The following TCF4 variants were observed in gnomAD, a reference collection of about 807,000 sequenced individuals.
TCF4 encodes the protein SL3-3 enhancer factor 2.
In TCF4, 3 loss-of-function variants were observed where a neutral mutation model predicts 82.1. The ratio of observed to expected loss-of-function variants is 0.04; its 90% confidence interval spans 0.02 to 0.09. The LOEUF is 0.09. Among genes scored for constraint, TCF4 ranks in the 10% least tolerant of loss-of-function variants. The pLI, the probability that TCF4 is intolerant of heterozygous loss-of-function variation, is 1.00. For missense variants in TCF4, 518 were observed against 852.7 expected (o/e 0.61, Z 4.89); for synonymous variants, 276 against 309.6 (o/e 0.89, Z 1.14).
chr18:55,257,465 C>G (rs1271058394), intron 13 of TCF4, 74 bp from the exon 14 acceptor site: 7 of 1,452,818 alleles, frequency 4.8e-6, no homozygotes, highest in Non-Finnish European at 9.7e-7. Flanking sequence ...TTAAACAGTC[C>G]TTTTGGAAAT....
intron 3 of TCF4, among the ~76,000 whole-genome samples, chr18:55,489,716 T>C (rs923189195): frequency 1.3e-5 from 2 of 152,208 alleles, no homozygotes; most frequent in Non-Finnish European, 2.9e-5. Flanking sequence ...CAAGAGGATG[T>C]AATTTTGAAA....
intron 5 of TCF4, among the ~76,000 whole-genome samples, chr18:55,429,267 G>A (rs1054699739): frequency 6.6e-6 from 1 of 152,154 alleles, no homozygotes; most frequent in Non-Finnish European, 1.5e-5. Flanking sequence ...GAAATTTCAT[G>A]GAGTCTTCTC....
chr18:55,305,982 T>C (rs575622112), intron 8 of TCF4, among the ~76,000 whole-genome samples: 2 of 152,168 alleles, frequency 1.3e-5, no homozygotes, highest in Non-Finnish European at 2.9e-5. Context: ...CACACCTTCA[T>C]TTACCGTGCC....
chr18:55,234,700 A>T lies in TCF4; in HGVS notation c.1351-17T>A, dbSNP rs1057523285. The T allele has an allele frequency of 6.2e-7, 1 of 1,614,062 alleles. No homozygotes were observed. The highest frequency in any genetic ancestry group is 8.5e-7 in the Non-Finnish European group (1 of 1,180,014). On this transcript the variant is annotated splice_polypyrimidine_tract_variant and intron_variant, in intron 15 of 19. Transcript: ENST00000354452. ...GGTCCCCACCTGAAAGGGCGAGAGG[A>T]ACCAGAGAGGTGAGCAGGAACCGGA...
chr18:55,568,537 TTATATATA>T (rs1010439890), intron 3 of TCF4, among the ~76,000 whole-genome samples: 1 of 151,634 alleles, frequency 6.6e-6, no homozygotes, highest in African/African-American at 2.4e-5. Flanking sequence ...CCATATAAGT[TTATATATA>T]TATTTAATTG....
intron 2 of TCF4, chr18:55,586,053 C>A: frequency 7.2e-7 from 1 of 1,394,896 alleles, no homozygotes; most frequent in Admixed American, 2.5e-5. Context: ...GCAAAGCTGC[C>A]TGCCTAGGGC....
intron 6 of TCF4, among the ~76,000 whole-genome samples, chr18:55,391,539 C>A (rs1161531655): frequency 6.6e-6 from 1 of 151,940 alleles, no homozygotes; most frequent in African/African-American, 2.4e-5. Flanking sequence ...CACAAAATAC[C>A]CTGGGAGAAC....
chr18:55,574,685 T>C (rs988476327), intron 3 of TCF4, among the ~76,000 whole-genome samples: 1 of 152,224 alleles, frequency 6.6e-6, no homozygotes, highest in African/African-American at 2.4e-5. Context: ...CTGTAGAACT[T>C]TTATTTAACA....
chr18:55,616,295 C>T (rs1338985693), intron 2 of TCF4, among the ~76,000 whole-genome samples: 1 of 152,068 alleles, frequency 6.6e-6, no homozygotes, highest in Admixed American at 6.5e-5. Flanking sequence ...TGTGGTCACA[C>T]ATGACAGGAT....
chr18:55,253,762 C>G (rs1006937060), intron 15 of TCF4, among the ~76,000 whole-genome samples: 7 of 151,974 alleles, frequency 4.6e-5, no homozygotes, highest in Non-Finnish European at 8.8e-5. Flanking sequence ...TTGACAGACA[C>G]TATTTTGGCT....
intron 11 of TCF4, among the ~76,000 whole-genome samples, chr18:55,262,684 G>A (rs147598579): frequency 4.6e-5 from 7 of 152,192 alleles, no homozygotes; most frequent in South Asian, 2.1e-4. Context: ...TAGTGGGGTC[G>A]GATCTTCAGT....
At chr18:55,619,449 G>A (rs1343838683) in intron 2 of TCF4, among the ~76,000 whole-genome samples, 2 of 151,956 alleles carry the variant, frequency 1.3e-5, no homozygotes, top group Admixed American at 1.3e-4. Context: ...CTCTATTTTG[G>A]ATAGTTTCTA....
intron 2 of TCF4, among the ~76,000 whole-genome samples, chr18:55,618,277 A>G (rs1023786838): frequency 6.6e-6 from 1 of 152,160 alleles, no homozygotes; most frequent in African/African-American, 2.4e-5. Flanking sequence ...TGATTTACAT[A>G]TGTTGAGCCA....
intron 2 of TCF4, among the ~76,000 whole-genome samples, chr18:55,608,348 G>C (rs142589497): frequency 2.7e-5 from 4 of 147,882 alleles, no homozygotes; most frequent in African/African-American, 9.9e-5. Context: ...AAATTAGACC[G>C]ATCTAGCATC....
chr18:55,275,573 A>C, intron 10 of TCF4, 46 bp downstream of exon 10: 3 of 1,613,178 alleles, frequency 1.9e-6, no homozygotes, highest in Non-Finnish European at 2.5e-6. Flanking sequence ...GACGAGGTTT[A>C]ATCAACTAGC....
In TCF4 at chr18:55,461,971, CA is replaced by C. The variant is rs1396010450; in HGVS notation, c.208-857del. ...AGTCTACTAAAGTGCATAAAGTGAC[CA>C]AAAAGGGGGGAAAAAGTCATTCTGC... On this transcript the variant is annotated intron_variant, in intron 4 of 19. Coordinates refer to ENST00000354452, the MANE Select transcript of TCF4 (RefSeq NM_001083962.2). 2.0e-5 allele frequency among the ~76,000 whole-genome samples: 3 copies of C among 151,804 alleles called. No homozygotes were observed. The East Asian group carries it at 5.8e-4, about 29-fold the overall frequency.
chr18:55,328,243 T>C (rs772023870), intron 8 of TCF4, among the ~76,000 whole-genome samples: 94 of 152,244 alleles, frequency 6.2e-4, no homozygotes, highest in Non-Finnish European at 1.1e-3. Context: ...AAATATTAAA[T>C]GAAATTAGGC....
intron 15 of TCF4, among the ~76,000 whole-genome samples, chr18:55,236,440 C>T (rs1260837721): frequency 2.0e-5 from 3 of 151,178 alleles, no homozygotes; most frequent in Admixed American, 6.6e-5. Flanking sequence ...AGCTCTGTGG[C>T]GTTAAGTACA....
At chr18:55,406,867 C>T (rs1569407285) in intron 5 of TCF4, among the ~76,000 whole-genome samples, 1 of 152,176 alleles carries the variant, frequency 6.6e-6, no homozygotes, top group Non-Finnish European at 1.5e-5. Context: ...GACAACCCTC[C>T]GGTACTAGAA....
Sources: gnomAD v4.1 joint callset for allele counts (sites outside exome capture counted in the v4.1 genomes callset) on GRCh38, gnomAD v4.1.1 for gene constraint, MANE v1.5 for transcripts, NCBI Gene and HGNC (gene_info 2026-07-23, HGNC 2026-07-21) for gene names.